The following CSRNP3 variants were observed in gnomAD, a reference collection of about 807,000 sequenced individuals.
CSRNP3 encodes cysteine/serine-rich nuclear protein 3.
CSRNP3 carries 12 observed loss-of-function variants against 48.0 expected under a neutral mutation model. The observed-to-expected ratio is 0.25, with a 90% CI of 0.16 to 0.41. CSRNP3 has a LOEUF of 0.41. Ranked by LOEUF, CSRNP3 falls within the 10% of genes least tolerant of loss-of-function variation. The pLI is 1.00. For missense variants in CSRNP3, 580 were observed against 724.4 expected, an observed-to-expected ratio of 0.80 and a Z score of 2.29; for synonymous variants, 263 against 269.7, an observed-to-expected ratio of 0.98 and a Z score of 0.24.
chr2:165,591,961 C>G (rs1176476495), intron 3 of CSRNP3, among the ~76,000 whole-genome samples: 2 of 152,142 alleles, frequency 1.3e-5, no homozygotes, highest in African/African-American at 2.4e-5. Flanking sequence ...TCCTCCAGAA[C>G]CCAAAATGGA....
At chr2:165,515,783 A>G (rs1684573511) in intron 2 of CSRNP3, among the ~76,000 whole-genome samples, 1 of 149,064 alleles carries the variant, frequency 6.7e-6, no homozygotes, top group African/African-American at 2.5e-5. Flanking sequence ...AATTGCAAAT[A>G]TCTTTTTCTT....
At chr2:165,523,150 T>G (rs1407655273) in intron 3 of CSRNP3, among the ~76,000 whole-genome samples, 1 of 152,184 alleles carries the variant, frequency 6.6e-6, no homozygotes, top group Non-Finnish European at 1.5e-5. Flanking sequence ...CATTTTTTCT[T>G]TCCTTCAATC....
chr2:165,595,692 A>G lies in CSRNP3; in HGVS notation c.148+479A>G, dbSNP rs79302021. Among the ~76,000 whole-genome samples the G allele has an allele frequency of 7.9e-4, 121 of 152,326 alleles. No individual in the cohort carries two copies. The East Asian group carries it at 0.014, about 18-fold the overall frequency. Reference sequence around the variant, plus strand: ...GGCAGCAAGTCTCCCCCAATTGTGCAAGTGTGTACAGTCTAATGGCTCTTT... The same window carrying G: ...GGCAGCAAGTCTCCCCCAATTGTGCGAGTGTGTACAGTCTAATGGCTCTTT... On this transcript the variant is annotated intron_variant, in intron 4 of 6. Transcript: ENST00000651982.
intron 4 of CSRNP3, among the ~76,000 whole-genome samples, chr2:165,642,913 T>A (rs976175613): frequency 5.9e-5 from 9 of 152,062 alleles, no homozygotes; most frequent in African/African-American, 1.9e-4. Context: ...CTGTATTCTG[T>A]CATTTAGAAA....
chr2:165,598,202 C>T (rs1046074616), intron 4 of CSRNP3, among the ~76,000 whole-genome samples: 3 of 152,030 alleles, frequency 2.0e-5, no homozygotes, highest in Admixed American at 6.6e-5. Context: ...CATTAAGTTA[C>T]GGTAACTCAT....
rs58624766 is a variant in CSRNP3, at chr2:165,642,103, A to AACACAC, written c.149-15619_149-15614dup. Among the ~76,000 whole-genome samples, 517 of 132,184 alleles carry AACACAC rather than the reference A, an allele frequency of 3.9e-3. 5 individuals carry two copies. Among genetic ancestry groups the AACACAC allele is most frequent in the Middle Eastern group, 0.016 (4 of 252 alleles). 86.7% of individuals were successfully genotyped at this position (132,184 alleles called of 152,430 possible). On this transcript the variant is annotated intron_variant, in intron 4 of 6. Coordinates refer to ENST00000651982, the MANE Select transcript of CSRNP3 (RefSeq NM_001172173.2). ...TAGTACCTGAGAATACACACACACA[A>AACACAC]ACACACACACACACACACACACACA...
At chr2:165,676,055 A>G (rs940442670) in intron 5 of CSRNP3, among the ~76,000 whole-genome samples, 2 of 152,136 alleles carry the variant, frequency 1.3e-5, no homozygotes, top group African/African-American at 4.8e-5. Flanking sequence ...AGCTCCAACA[A>G]CTGTAGCTCC....
intron 4 of CSRNP3, among the ~76,000 whole-genome samples, chr2:165,638,048 A>AAT (rs1491400738): frequency 6.6e-6 from 1 of 152,168 alleles, no homozygotes; most frequent in Non-Finnish European, 1.5e-5. Context: ...AAAATATCCC[A>AAT]ATATATATAG....
Position 165,653,949 on chromosome 2 carries a change from G to A in CSRNP3, c.149-3812G>A, listed in dbSNP as rs184541926. Among the ~76,000 whole-genome samples the A allele has an allele frequency of 6.5e-4, 68 of 104,288 alleles. No homozygotes were observed. In the East Asian group the frequency reaches 0.02, roughly 30 times the overall value. The allele number at this position is 104,288 out of a possible 152,430, so 68.4% of individuals were successfully genotyped here. A position where few individuals can be genotyped will look rare whatever the true frequency, so the allele number is the denominator to read the frequency against. ...ATCATGCCACTGCACTCCAGTCTGGGCAACAAGAGCGAAGCTCTATCACAA... is the reference window on the plus strand; with the variant it reads ...ATCATGCCACTGCACTCCAGTCTGGACAACAAGAGCGAAGCTCTATCACAA... On this transcript the variant is annotated intron_variant, in intron 4 of 6. Coordinates refer to ENST00000651982, the MANE Select transcript of CSRNP3 (RefSeq NM_001172173.2).
rs1687643514 is a variant in CSRNP3 at position 165,687,171 on chromosome 2, A to T, written c.*7418A>T. 6.6e-6 allele frequency: 1 copy of T among 152,106 alleles called. No homozygotes were observed. Among genetic ancestry groups the T allele is most frequent in the Admixed American group, 6.6e-5 (1 of 15,248 alleles). The allele number at this position is 152,106 out of a possible 1,614,324, so 9.4% of individuals were successfully genotyped here. ...CAAGGGAAGTTGGGTTTCCCCCTAC[A>T]TTTGGTGATTATTACATTAATATAT... On this transcript the variant is annotated 3_prime_UTR_variant, in exon 7 of 7. Transcript: ENST00000651982.
intron 3 of CSRNP3, among the ~76,000 whole-genome samples, chr2:165,525,123 T>C (rs191205749): frequency 3.9e-5 from 6 of 152,318 alleles, no homozygotes. Flanking sequence ...ATTTTAACCA[T>C]TCTAATTATC....
chr2:165,559,032 G>A (rs1003217709), intron 3 of CSRNP3, among the ~76,000 whole-genome samples: 1 of 152,142 alleles, frequency 6.6e-6, no homozygotes, highest in Admixed American at 6.6e-5. Context: ...ATAGACTAGA[G>A]GGCAGCATAG....
intron 1 of CSRNP3, among the ~76,000 whole-genome samples, chr2:165,489,314 C>T (rs1472683724): frequency 6.9e-6 from 1 of 145,146 alleles, no homozygotes; most frequent in Non-Finnish European, 1.5e-5. Flanking sequence ...AATAGTTTAC[C>T]AACCAAAAAG....
intron 4 of CSRNP3, among the ~76,000 whole-genome samples, chr2:165,639,571 C>T (rs1164396318): frequency 6.6e-6 from 1 of 152,068 alleles, no homozygotes; most frequent in Non-Finnish European, 1.5e-5. Context: ...CCTTTAAATC[C>T]CGTGATTTTG....
intron 4 of CSRNP3, among the ~76,000 whole-genome samples, chr2:165,646,853 G>T: frequency 6.6e-6 from 1 of 152,020 alleles, no homozygotes; most frequent in East Asian, 1.9e-4. Context: ...AATAAAAAAA[G>T]ATATAATATG....
In CSRNP3 at chr2:165,484,432, C is replaced by T. The variant is rs1020542280; in HGVS notation, c.-282-10327C>T. ...TTTGGACCAACAAAGGACTTGTGAG[C>T]GGATCTGGGAGTAGAATTGAGAAAC... On this transcript the variant is annotated intron_variant, in intron 1 of 6. Coordinates refer to ENST00000651982, the MANE Select transcript of CSRNP3 (RefSeq NM_001172173.2). Among the ~76,000 whole-genome samples the T allele has an allele frequency of 1.2e-4, 18 of 152,144 alleles. 1 individual carries two copies. Among genetic ancestry groups the T allele is most frequent in the Middle Eastern group, 6.8e-3 (2 of 292 alleles).
At position 165,642,135 on chromosome 2, in the gene CSRNP3, C is replaced by CAT. The variant is rs1553482336; in HGVS notation, c.149-15625_149-15624insTA. Among the ~76,000 whole-genome samples, 227 of 150,906 alleles carry CAT rather than the reference C, an allele frequency of 1.5e-3. 2 individuals carry two copies. Among genetic ancestry groups the CAT allele is most frequent in the African/African-American group, 5.2e-3 (211 of 40,564 alleles). ...ACACACACACACACACACACACACA[C>CAT]ACACACACACACGGTATAATGTATG... On this transcript the variant is annotated intron_variant, in intron 4 of 6. Coordinates refer to ENST00000651982, the MANE Select transcript of CSRNP3 (RefSeq NM_001172173.2).
intron 2 of CSRNP3, among the ~76,000 whole-genome samples, chr2:165,504,595 T>C (rs16850802): frequency 0.016 from 2,404 of 152,206 alleles, 59 homozygotes; most frequent in African/African-American, 0.054. Flanking sequence ...AAATTCTGCA[T>C]TAAATACAAG....
At chr2:165,632,803 T>C (rs564037513) in intron 4 of CSRNP3, among the ~76,000 whole-genome samples, 2 of 152,330 alleles carry the variant, frequency 1.3e-5, no homozygotes, top group East Asian at 3.9e-4. Flanking sequence ...CATTATCAAG[T>C]TGAGTTGAAA....
Sources: allele counts gnomAD v4.1 joint callset (sites outside exome capture counted in the v4.1 genomes callset), GRCh38; gene constraint gnomAD v4.1.1; transcripts MANE v1.5; gene names NCBI Gene and HGNC (gene_info 2026-07-23, HGNC 2026-07-21).